The following CNTN4 variants were observed in gnomAD, a reference collection of about 807,000 sequenced individuals.
CNTN4 encodes the protein contactin-4.
Under a neutral mutation model 122.5 loss-of-function variants are expected in CNTN4, and 77 were observed. The observed-to-expected ratio is 0.63, with a 90% CI of 0.52 to 0.76. The LOEUF (loss-of-function observed/expected upper bound fraction) is 0.76. Among genes scored for constraint, CNTN4 ranks in the 30% least tolerant of loss-of-function variants. The probability of loss-of-function intolerance (pLI) is 0.00; values close to 1 mark genes in which losing one functional copy is unlikely to be tolerated. For synonymous variants in CNTN4, 512 were observed against 447.0 expected (o/e 1.15, Z -1.83); for missense variants, 1,256 against 1,259.1 (o/e 1.00, Z 0.04).
intron 3 of CNTN4, among the ~76,000 whole-genome samples, chr3:2,428,902 G>C (rs1442955072): frequency 6.6e-6 from 1 of 152,116 alleles, no homozygotes; most frequent in Non-Finnish European, 1.5e-5. Context: ...GGTAGTACTC[G>C]TGCCATGGTT....
At chr3:2,336,052 A>G (rs1007951693) in intron 2 of CNTN4, among the ~76,000 whole-genome samples, 1 of 152,198 alleles carries the variant, frequency 6.6e-6, no homozygotes, top group Non-Finnish European at 1.5e-5. Context: ...GGTAAGCCGA[A>G]CAGTGATAAA....
chr3:2,743,147 C>T (rs2089555803), intron 5 of CNTN4, among the ~76,000 whole-genome samples: 1 of 152,136 alleles, frequency 6.6e-6, no homozygotes, highest in Non-Finnish European at 1.5e-5. Flanking sequence ...CTAAATTCCA[C>T]ACTCTGCTTG....
In CNTN4 at chr3:2,204,780, A is replaced by C. The variant is rs888591863; in HGVS notation, c.-145+104141A>C. 5.9e-5 allele frequency among the ~76,000 whole-genome samples: 9 copies of C among 152,228 alleles called. No homozygotes were observed. In the East Asian group the frequency reaches 1.2e-3, roughly 20 times the overall value. ...GGGATAAAGTCAGCTTTGTCAGAGG[A>C]ATATCAGCATGTCAGCTCCTGAAGA... On this transcript the variant is annotated intron_variant, in intron 2 of 24. Coordinates refer to ENST00000418658, the MANE Select transcript of CNTN4 (RefSeq NM_175607.3).
At chr3:2,766,592 C>A (rs7623393) in intron 6 of CNTN4, among the ~76,000 whole-genome samples, 1 of 151,918 alleles carries the variant, frequency 6.6e-6, no homozygotes, top group Non-Finnish European at 1.5e-5. Flanking sequence ...TGGGACGCGG[C>A]GGGGAAAGGT....
At chr3:2,515,813 A>G (rs988049520) in intron 3 of CNTN4, among the ~76,000 whole-genome samples, 4 of 152,152 alleles carry the variant, frequency 2.6e-5, no homozygotes, top group Non-Finnish European at 5.9e-5. Context: ...CTTGTAGGAC[A>G]TGGATTGTAG....
At chr3:2,225,157 C>A (rs1467521493) in intron 2 of CNTN4, among the ~76,000 whole-genome samples, 3 of 132,044 alleles carry the variant, frequency 2.3e-5, no homozygotes, top group Non-Finnish European at 3.3e-5. Flanking sequence ...TACCCACCAC[C>A]CCCAAAAAAA....
At chr3:2,826,274 AG>A (rs1267329665) in intron 7 of CNTN4, among the ~76,000 whole-genome samples, 1 of 152,190 alleles carries the variant, frequency 6.6e-6, no homozygotes, top group Non-Finnish European at 1.5e-5. Context: ...GGCATCATCC[AG>A]GTAATTTTAA....
intron 2 of CNTN4, among the ~76,000 whole-genome samples, chr3:2,194,943 T>G (rs1046914311): frequency 3.9e-5 from 6 of 152,286 alleles, no homozygotes; most frequent in East Asian, 1.9e-4. Context: ...AGTACTTGGT[T>G]GCTGCAGTCC....
chr3:2,818,196 T>TA (rs2092783192), intron 6 of CNTN4, among the ~76,000 whole-genome samples: 1 of 152,240 alleles, frequency 6.6e-6, no homozygotes. Flanking sequence ...ATGGAGTTTT[T>TA]ATGAATATAT....
chr3:2,209,462 C>G (rs2038508329), intron 2 of CNTN4, among the ~76,000 whole-genome samples: 1 of 152,118 alleles, frequency 6.6e-6, no homozygotes, highest in African/African-American at 2.4e-5. Context: ...AAAGTTCAAA[C>G]AGTATTCCAT....
chr3:2,647,148 G>A (rs1042554104), intron 4 of CNTN4, among the ~76,000 whole-genome samples: 3 of 152,078 alleles, frequency 2.0e-5, no homozygotes, highest in South Asian at 4.1e-4. Flanking sequence ...TGGGAAGCCA[G>A]GGTGGGCGGA....
At chr3:2,947,247 A>G (rs956992985) in intron 13 of CNTN4, among the ~76,000 whole-genome samples, 1 of 152,226 alleles carries the variant, frequency 6.6e-6, no homozygotes, top group Non-Finnish European at 1.5e-5. Context: ...CAAAAAGACC[A>G]CACACTTCAA....
chr3:2,412,107 A>C (rs145205356), intron 3 of CNTN4, among the ~76,000 whole-genome samples: 1 of 152,174 alleles, frequency 6.6e-6, no homozygotes, highest in Non-Finnish European at 1.5e-5. Flanking sequence ...TATTTTGCTC[A>C]ACATACTATT....
At chr3:2,637,891 A>G (rs1353523443) in intron 4 of CNTN4, among the ~76,000 whole-genome samples, 1 of 152,138 alleles carries the variant, frequency 6.6e-6, no homozygotes, top group East Asian at 1.9e-4. Context: ...TCTAACTTTG[A>G]TCATGGTTTG....
chr3:2,448,760 G>A (rs1212302150), intron 3 of CNTN4, among the ~76,000 whole-genome samples: 9 of 152,160 alleles, frequency 5.9e-5, no homozygotes, highest in Non-Finnish European at 1.5e-5. Context: ...TGTTAACTCT[G>A]CCCTGGTTGT....
chr3:2,684,777 C>CA, intron 4 of CNTN4, among the ~76,000 whole-genome samples: 1 of 152,158 alleles, frequency 6.6e-6, no homozygotes, highest in Non-Finnish European at 1.5e-5. Context: ...AATAGTTTAA[C>CA]AAAAATTTGT....
Position 2,283,888 on chromosome 3 carries a change from T to C in CNTN4, c.-144-55290T>C, listed in dbSNP as rs1036750224. On this transcript the variant is annotated intron_variant, in intron 2 of 24. Transcript: ENST00000418658. ...GTTTTTATTTCTAATCTACAAAAGC[T>C]AAAAAAGCATATTTCCCTTTATGAA... 3.3e-5 allele frequency among the ~76,000 whole-genome samples: 5 copies of C among 152,102 alleles called. No individual in the cohort carries two copies. The East Asian group carries it at 9.6e-4, about 29-fold the overall frequency.
chr3:2,230,539 A>T (rs1054894461), intron 2 of CNTN4, among the ~76,000 whole-genome samples: 8 of 152,188 alleles, frequency 5.3e-5, no homozygotes, highest in Non-Finnish European at 8.8e-5. Context: ...CCCAGTGAAG[A>T]TAGGATTGTA....
At chr3:2,697,420 T>G (rs1387740610) in intron 4 of CNTN4, among the ~76,000 whole-genome samples, 1 of 152,154 alleles carries the variant, frequency 6.6e-6, no homozygotes, top group African/African-American at 2.4e-5. Context: ...GAGATCCAGG[T>G]TGGAATACTC....
Sources: allele counts gnomAD v4.1 joint callset (sites outside exome capture counted in the v4.1 genomes callset), GRCh38; gene constraint gnomAD v4.1.1; transcripts MANE v1.5; gene names NCBI Gene and HGNC (gene_info 2026-07-23, HGNC 2026-07-21).